Variants in TAP1 observed in about 807,000 individuals in gnomAD.
TAP1 encodes antigen peptide transporter 1.
In TAP1, 56 loss-of-function variants were observed where a neutral mutation model predicts 79.3. The ratio of observed to expected loss-of-function variants is 0.71; its 90% CI spans 0.57 to 0.88. The LOEUF is 0.88. Ranked by LOEUF, TAP1 falls within the 40% of genes least tolerant of loss-of-function variation. The probability of loss-of-function intolerance (pLI) is 0.00; values close to 1 mark genes in which losing one functional copy is unlikely to be tolerated. For synonymous variants in TAP1, 355 were observed against 401.4 expected, an observed-to-expected ratio of 0.88 and a Z score of 1.38; for missense variants, 737 against 936.3, an observed-to-expected ratio of 0.79 and a Z score of 2.78.
chr6:32,845,919 C>T lies in TAP1; in HGVS notation c.2041-134G>A, dbSNP rs926312925. 1.1e-5 allele frequency: 8 copies of T among 735,104 alleles called. No homozygotes were observed. The highest frequency in any genetic ancestry group is 1.9e-5 in the Non-Finnish European group (8 of 419,466). The allele number at this position is 735,104 out of a possible 1,614,324, so 45.5% of individuals were successfully genotyped here. The stretch of plus-strand genomic sequence containing the variant: ...AACAACCCCAAGGACACCAACGTTT[C>T]CCATTCTGAGTACTTCTCCGCAAAC... On this transcript the variant is annotated intron_variant, in intron 10 of 10. Transcript: ENST00000354258. This position sits in a 1 kb window ranked among gnomAD's most constrained non-coding sequence, Gnocchi z 4.5.
chr6:32,850,208 C>G lies in TAP1; in HGVS notation c.1248+112G>C. 1 of 1,236,452 alleles carries G rather than the reference C, an allele frequency of 8.1e-7. No homozygotes were observed. Among genetic ancestry groups the G allele is most frequent in the Non-Finnish European group, 1.2e-6 (1 of 846,384 alleles). The allele number at this position is 1,236,452 out of a possible 1,614,324, so 76.6% of individuals were successfully genotyped here. A position where few individuals can be genotyped will look rare whatever the true frequency, so the allele number is the denominator to read the frequency against. On this transcript the variant is annotated intron_variant, in intron 5 of 10. Transcript: ENST00000354258. This position sits in a 1 kb window ranked among gnomAD's most constrained non-coding sequence, Gnocchi z 5.5. The stretch of plus-strand genomic sequence containing the variant: ...GCCTCAGGTTGCTAGGACGAAAATA[C>G]TGAACCAACCATTTCCCAGTAAAGG...
chr6:32,846,591 G>A (rs72854947), intron 10 of TAP1: 7,613 of 277,960 alleles, frequency 0.027, 149 homozygotes, highest in Non-Finnish European at 0.031. Context: ...AGGCTGAGGG[G>A]GGCAGATTAC....
chr6:32,847,278 T>A lies in TAP1; in HGVS notation c.1904-74A>T. 3.2e-6 allele frequency: 5 copies of A among 1,539,976 alleles called. No individual in the cohort carries two copies. Among genetic ancestry groups the A allele is most frequent in the Non-Finnish European group, 3.5e-6 (4 of 1,129,180 alleles). Reference sequence around the variant, plus strand: ...CGCATGTACATGCACACAGACACACTCATGCATTCACGCACTCACACACAC... The same window carrying A: ...CGCATGTACATGCACACAGACACACACATGCATTCACGCACTCACACACAC... On this transcript the variant is annotated intron_variant, in intron 9 of 10. Coordinates refer to ENST00000354258, the MANE Select transcript of TAP1 (RefSeq NM_000593.6). The surrounding 1 kb of genome is among the most constrained non-coding windows in gnomAD (Gnocchi z 4.7).
rs1444651540 is a variant in TAP1, at chr6:32,847,297, C to T, written c.1904-93G>A. ...ACACACTCATGCATTCACGCACTCA[C>T]ACACACCAAGATCTGACGGTTGTAG... On this transcript the variant is annotated intron_variant, in intron 9 of 10. Transcript: ENST00000354258. The surrounding 1 kb of genome is among the most constrained non-coding windows in gnomAD (Gnocchi z 4.7). The T allele has an allele frequency of 3.2e-6, 5 of 1,573,078 alleles. No individual in the cohort carries two copies. Among genetic ancestry groups the T allele is most frequent in the Non-Finnish European group, 4.3e-6 (5 of 1,154,518 alleles).
rs557291386 is a variant in TAP1, at chr6:32,846,738, GC to G, written c.2040+329del. 5.3e-5 allele frequency among the ~76,000 whole-genome samples: 8 copies of G among 152,004 alleles called. No homozygotes were observed. The East Asian group carries it at 1.6e-3, about 29-fold the overall frequency. On this transcript the variant is annotated intron_variant, in intron 10 of 10. Transcript: ENST00000354258. ...GGAGGCTGAGGGGAGAATCGCTTGA[GC>G]CCAGCAGGTTGAAGCTGCAGTGAGC...
At position 32,847,517 on chromosome 6, in the gene TAP1, G is replaced by A. The variant is rs1770507660; in HGVS notation, c.1899C>T (p.Asp633=). Residue 633 remains aspartate, a synonymous_variant, in exon 9 of 11, where the codon GAC becomes GAT. Coordinates refer to ENST00000354258, the MANE Select transcript of TAP1 (RefSeq NM_000593.6). This position sits in a 1 kb window ranked among gnomAD's most constrained non-coding sequence, Gnocchi z 4.7. ...SFISGLPQGY[D]TEVDEAGSQL... The stretch of plus-strand genomic sequence containing the variant: ...TGAGATGAGTGGAGAGAGTACCTGT[G>A]TCATAGCCCTGAGGGAGTCCAGAGA... 6.2e-7 allele frequency: 1 copy of A among 1,613,414 alleles called. No homozygotes were observed. Among genetic ancestry groups the A allele is most frequent in the African/African-American group, 1.3e-5 (1 of 74,868 alleles).
Position 32,848,695 on chromosome 6 carries a change from A to T in TAP1, c.1523T>A (p.Val508Asp). Residue 508 changes from valine (V) to aspartate (D), a missense_variant, in exon 7 of 11, where the codon GTC (valine) becomes GAC (aspartate). Around this residue, in one of 5 missense-constraint regions of TAP1, gnomAD observed 266 missense variants for 332.4 expected, o/e 0.80. Transcript: ENST00000354258. ...HLEGLVQFQD[V>D]SFAYPNRPDV... ...TGGGCGGTTTGGGTAGGCAAAGGAG[A>T]CATCTTGGAACTGGACAAGGCCCTC... 3 of 1,614,114 alleles carry T rather than the reference A, an allele frequency of 1.9e-6. No homozygotes were observed. Among genetic ancestry groups the T allele is most frequent in the Non-Finnish European group, 2.5e-6 (3 of 1,180,012 alleles).
In TAP1 at chr6:32,851,939, GAGAGAC is replaced by G. The variant is rs1770806579; in HGVS notation, c.844+164_844+169del. On this transcript the variant is annotated intron_variant, in intron 3 of 10. Transcript: ENST00000354258. The surrounding 1 kb of genome is among the most constrained non-coding windows in gnomAD (Gnocchi z 4.8). ...TGTGTGTGTGTGAGAGAGAGAGAGA[GAGAGAC>G]AGAGACAGAGAGAGAGAGACAGGGA... 6.6e-6 allele frequency among the ~76,000 whole-genome samples: 1 copy of G among 151,276 alleles called. No individual in the cohort carries two copies. The highest frequency in any genetic ancestry group is 6.6e-5 in the Admixed American group (1 of 15,190).
intron 5 of TAP1, chr6:32,849,756 T>A: frequency 6.1e-6 from 1 of 162,770 alleles, no homozygotes; most frequent in Non-Finnish European, 1.3e-5. Flanking sequence ...AGCTCAAAAA[T>A]AATAATAATA....
In TAP1 at chr6:32,852,037, G is replaced by C. The variant is rs1252878576; in HGVS notation, c.844+72C>G. ...TGTGTGAGAGAGAGAGAGCGGGGAG[G>C]GGGGAGATCAAAGCAGATGTATGAG... On this transcript the variant is annotated intron_variant, in intron 3 of 10. Transcript: ENST00000354258. This position sits in a 1 kb window ranked among gnomAD's most constrained non-coding sequence, Gnocchi z 4.8. 136 of 1,597,334 alleles carry C rather than the reference G, an allele frequency of 8.5e-5. No homozygotes were observed. Among genetic ancestry groups the C allele is most frequent in the Non-Finnish European group, 1.0e-5 (12 of 1,167,652 alleles).
chr6:32,850,556 A>T lies in TAP1; in HGVS notation c.1051-39T>A. On this transcript the variant is annotated intron_variant, in intron 4 of 10. Coordinates refer to ENST00000354258, the MANE Select transcript of TAP1 (RefSeq NM_000593.6). The surrounding 1 kb of genome is among the most constrained non-coding windows in gnomAD (Gnocchi z 5.5). ...GACAAGAGATGTCACACGGGTTGGC[A>T]AACCATCAGGGACACTAATACCTGA... The T allele has an allele frequency of 2.5e-6, 4 of 1,581,780 alleles. No individual in the cohort carries two copies. The highest frequency in any genetic ancestry group is 3.5e-6 in the Non-Finnish European group (4 of 1,159,384).
At chr6:32,846,892 T>C (rs1321157461) in intron 10 of TAP1, among the ~76,000 whole-genome samples, 176 bp downstream of exon 10, 1 of 152,136 alleles carries the variant, frequency 6.6e-6, no homozygotes, top group African/African-American at 2.4e-5. Flanking sequence ...ATTCTAGGTG[T>C]CTTTGCCTCG....
Position 32,852,848 on chromosome 6 carries a change from C to T in TAP1, c.598+191G>A, listed in dbSNP as rs2127393203. On this transcript the variant is annotated intron_variant, in intron 1 of 10. Coordinates refer to ENST00000354258, the MANE Select transcript of TAP1 (RefSeq NM_000593.6). The surrounding 1 kb of genome is among the most constrained non-coding windows in gnomAD (Gnocchi z 4.8). ...TCAAGACCCGGTCAGCAATGGAGCCCAGAACCTCTGGCCCCCGCCAGTCCA... is the reference window on the plus strand; with the variant it reads ...TCAAGACCCGGTCAGCAATGGAGCCTAGAACCTCTGGCCCCCGCCAGTCCA... The T allele has an allele frequency of 6.9e-7, 1 of 1,440,892 alleles. No homozygotes were observed. Among genetic ancestry groups the T allele is most frequent in the Non-Finnish European group, 9.1e-7 (1 of 1,104,404 alleles). The allele number at this position is 1,440,892 out of a possible 1,614,324, so 89.3% of individuals were successfully genotyped here.
rs55808897 is a variant in TAP1 at position 32,847,259 on chromosome 6, T to TACATACACAC, written c.1904-56_1904-55insGTGTGTATGT. The TACATACACAC allele has an allele frequency of 0.057, 91,324 of 1,604,600 alleles. 3,452 individuals are homozygous for TACATACACAC. Among genetic ancestry groups the TACATACACAC allele is most frequent in the African/African-American group, 0.17 (12,397 of 74,762 alleles). On this transcript the variant is annotated intron_variant, in intron 9 of 10. Coordinates refer to ENST00000354258, the MANE Select transcript of TAP1 (RefSeq NM_000593.6). This position sits in a 1 kb window ranked among gnomAD's most constrained non-coding sequence, Gnocchi z 4.7. ...GTATAGCCACATGTGTGCACGCATG[T>TACATACACAC]ACATGCACACAGACACACTCATGCA...
rs1203914406 is a variant in TAP1 at position 32,848,981 on chromosome 6, G to A, written c.1377+9C>T. On this transcript the variant is annotated intron_variant, in intron 6 of 10. Coordinates refer to ENST00000354258, the MANE Select transcript of TAP1 (RefSeq NM_000593.6). ...ATCACACTGGGGAGTGAAGGTGGAG[G>A]GACCTCACCTCCACAGCCTGGGTGA... The A allele has an allele frequency of 1.2e-6, 2 of 1,612,632 alleles. No homozygotes were observed. Among genetic ancestry groups the A allele is most frequent in the Non-Finnish European group, 8.5e-7 (1 of 1,179,652 alleles).
chr6:32,847,585 C>T lies in TAP1; in HGVS notation c.1831G>A (p.Glu611Lys). Reference sequence around the variant, plus strand: ...GACTTTACTGCAGCAGCTGTGATTTCCTCCATAGTTGGCTTCTGGGTCAGG... The same window carrying T: ...GACTTTACTGCAGCAGCTGTGATTTTCTCCATAGTTGGCTTCTGGGTCAGG... ...YGLTQKPTME[E>K]ITAAAVKSGA... Residue 611 changes from glutamate (E) to lysine (K), a missense_variant, in exon 9 of 11, where the codon GAA (glutamate) becomes AAA (lysine). This residue lies in a region of TAP1 where 266 missense variants were observed against 332.4 expected (regional missense o/e 0.80). Transcript: ENST00000354258. The surrounding 1 kb of genome is among the most constrained non-coding windows in gnomAD (Gnocchi z 4.7). 6.2e-7 allele frequency: 1 copy of T among 1,614,060 alleles called. No homozygotes were observed. The highest frequency in any genetic ancestry group is 8.5e-7 in the Non-Finnish European group (1 of 1,180,036).
intron 7 of TAP1, 41 bp downstream of exon 7, chr6:32,848,611 G>T (rs752908719): frequency 3.7e-6 from 6 of 1,604,850 alleles, no homozygotes; most frequent in Non-Finnish European, 5.1e-6. Flanking sequence ...TGGCAGAATT[G>T]CAGTTGGGGC....
Position 32,852,488 on chromosome 6 carries a change from G to A in TAP1, c.613C>T (p.Pro205Ser). The A allele has an allele frequency of 1.2e-6, 2 of 1,613,042 alleles. No individual in the cohort carries two copies. The highest frequency in any genetic ancestry group is 1.7e-6 in the Non-Finnish European group (2 of 1,180,028). ...VLSSLGEMAI[P>S]FFTGRLTDWI... ...TCAGTGAGGCGGCCCGTAAAGAATG[G>A]AATGGCCATCTCCCCTGGAGAAAGA... Residue 205 changes from proline (P) to serine (S), a missense_variant, in exon 2 of 11, where the codon CCA (proline) becomes TCA (serine). By Grantham distance (74) the Pro-to-Ser change is moderately conservative (BLOSUM62 -1). Transcript: ENST00000354258. This position sits in a 1 kb window ranked among gnomAD's most constrained non-coding sequence, Gnocchi z 4.8.
chr6:32,849,430 A>C (rs1156991657), intron 5 of TAP1: 1 of 448,734 alleles, frequency 2.2e-6, no homozygotes, highest in Non-Finnish European at 4.1e-6. Flanking sequence ...AGGTTATATC[A>C]CTCCATTTTT....
Sources: gnomAD v4.1 joint callset for allele counts (sites outside exome capture counted in the v4.1 genomes callset) on GRCh38, gnomAD v4.1.1 for gene constraint, gnomAD v4.1.1 regional missense constraint, Gnocchi (gnomAD v3.1) non-coding constraint, MANE v1.5 for transcripts, NCBI Gene and HGNC (gene_info 2026-07-23, HGNC 2026-07-21) for gene names.